TEAD1: variants seen among roughly 807,000 people sequenced by gnomAD.
TEAD1 encodes TEA domain transcription factor 1.
TEAD1 carries 9 observed loss-of-function variants against 54.9 expected under a neutral mutation model. That is an observed-to-expected ratio of 0.16 (90% confidence interval 0.10 to 0.29). The LOEUF is 0.29. Among genes scored for constraint, TEAD1 ranks in the 10% least tolerant of loss-of-function variants. The pLI is 1.00. For synonymous variants in TEAD1, 200 were observed against 187.8 expected, an observed-to-expected ratio of 1.07 and a Z score of -0.53; for missense variants, 387 against 535.9, an observed-to-expected ratio of 0.72 and a Z score of 2.74.
At chr11:12,772,062 C>T (rs543357168) in intron 3 of TEAD1, among the ~76,000 whole-genome samples, 1 of 152,312 alleles carries the variant, frequency 6.6e-6, no homozygotes, top group Admixed American at 6.5e-5. Flanking sequence ...TCCAAGAAGA[C>T]AGGACCACAT....
Position 12,712,703 on chromosome 11 carries a change from A to G in TEAD1, c.-55+37142A>G, listed in dbSNP as rs574014048. ...CCTTGGGAAATATATCAATCACGTG[A>G]GAATAATAGGGAGTAAAATGAGAGA... On this transcript the variant is annotated intron_variant, in intron 2 of 12. Coordinates refer to ENST00000527636, the MANE Select transcript of TEAD1 (RefSeq NM_021961.6). Among the ~76,000 whole-genome samples the G allele has an allele frequency of 1.6e-4, 24 of 152,278 alleles. No individual in the cohort carries two copies. In the South Asian group the frequency reaches 5.0e-3, roughly 32 times the overall value.
intron 10 of TEAD1, among the ~76,000 whole-genome samples, chr11:12,905,884 G>T (rs1413026885): frequency 2.0e-5 from 3 of 152,190 alleles, no homozygotes. Flanking sequence ...CACGTGAGGG[G>T]TTTGCTATGG....
At chr11:12,895,553 AAC>A (rs1215891899) in intron 9 of TEAD1, among the ~76,000 whole-genome samples, 1 of 152,258 alleles carries the variant, frequency 6.6e-6, no homozygotes, top group Non-Finnish European at 1.5e-5. Context: ...ACTTGTGGCT[AAC>A]ACAGAGTAAA....
intron 2 of TEAD1, among the ~76,000 whole-genome samples, chr11:12,693,629 A>C (rs1410601584): frequency 6.6e-6 from 1 of 152,226 alleles, no homozygotes; most frequent in African/African-American, 2.4e-5. Context: ...TGATGCCTGC[A>C]TTCCACTTTT....
intron 2 of TEAD1, among the ~76,000 whole-genome samples, chr11:12,680,678 G>A (rs1235156408): frequency 1.3e-5 from 2 of 152,196 alleles, no homozygotes; most frequent in Non-Finnish European, 2.9e-5. Context: ...GCAGGTAACA[G>A]GGATTTGTGA....
At chr11:12,889,077 A>G (rs1948147266) in intron 9 of TEAD1, among the ~76,000 whole-genome samples, 1 of 152,236 alleles carries the variant, frequency 6.6e-6, no homozygotes, top group Admixed American at 6.5e-5. Flanking sequence ...GCTAAGAGAA[A>G]AACAGCAGAG....
In TEAD1 at chr11:12,754,687, A is replaced by G. The variant is rs867415192; in HGVS notation, c.-54-9492A>G. 3.9e-5 allele frequency among the ~76,000 whole-genome samples: 6 copies of G among 152,190 alleles called. No homozygotes were observed. The South Asian group carries it at 1.2e-3, about 31-fold the overall frequency. On this transcript the variant is annotated intron_variant, in intron 2 of 12. Transcript: ENST00000527636. ...ATCCATTTGGATCCATTAGATCCTGAGAGCACTGAATGTCAGGAGCTGTGG... is the reference window on the plus strand; with the variant it reads ...ATCCATTTGGATCCATTAGATCCTGGGAGCACTGAATGTCAGGAGCTGTGG...
chr11:12,808,857 A>G (rs564251164), intron 3 of TEAD1, among the ~76,000 whole-genome samples: 1 of 152,230 alleles, frequency 6.6e-6, no homozygotes, highest in South Asian at 2.1e-4. Context: ...TAAAATGGGG[A>G]GAAGAATAGC....
chr11:12,720,376 G>T (rs1944167657), intron 2 of TEAD1, among the ~76,000 whole-genome samples: 2 of 152,138 alleles, frequency 1.3e-5, no homozygotes. Flanking sequence ...CTGCATGCTT[G>T]TGATTTGGGG....
chr11:12,727,200 A>C (rs1297850830), intron 2 of TEAD1, among the ~76,000 whole-genome samples: 9 of 152,334 alleles, frequency 5.9e-5, no homozygotes, highest in Admixed American at 2.6e-4. Context: ...AGATGGCACC[A>C]TTGCACTCCA....
At chr11:12,926,896 G>A (rs1448799483) in intron 11 of TEAD1, among the ~76,000 whole-genome samples, 1 of 152,194 alleles carries the variant, frequency 6.6e-6, no homozygotes, top group South Asian at 2.1e-4. Context: ...CTCTAAGAAG[G>A]AGGAAGCAAA....
At chr11:12,868,101 C>T (rs554108896) in intron 5 of TEAD1, among the ~76,000 whole-genome samples, 3 of 152,184 alleles carry the variant, frequency 2.0e-5, no homozygotes, top group African/African-American at 7.2e-5. Context: ...AAGTGGCTTA[C>T]CCGCAATGGA....
intron 3 of TEAD1, among the ~76,000 whole-genome samples, chr11:12,772,296 C>G (rs1430859322): frequency 6.6e-6 from 1 of 152,178 alleles, no homozygotes; most frequent in Admixed American, 6.5e-5. Flanking sequence ...AAGACTTTTT[C>G]TAGGACAGGG....
chr11:12,866,878 A>G (rs1947629011), intron 5 of TEAD1, among the ~76,000 whole-genome samples: 2 of 152,122 alleles, frequency 1.3e-5, no homozygotes, highest in Admixed American at 1.3e-4. Flanking sequence ...GGAGCTGGCC[A>G]TGTAAATGGG....
chr11:12,850,066 T>A (rs1474460198), intron 3 of TEAD1, among the ~76,000 whole-genome samples: 1 of 152,204 alleles, frequency 6.6e-6, no homozygotes, highest in Non-Finnish European at 1.5e-5. Flanking sequence ...AAAACCTTTT[T>A]CAACCCTTTT....
At chr11:12,689,202 C>A (rs1460836575) in intron 2 of TEAD1, among the ~76,000 whole-genome samples, 2 of 152,150 alleles carry the variant, frequency 1.3e-5, no homozygotes, top group African/African-American at 4.8e-5. Context: ...AGAGACTCTA[C>A]CCTGCAGTTC....
intron 3 of TEAD1, among the ~76,000 whole-genome samples, chr11:12,809,737 C>T (rs1946253440): frequency 6.6e-6 from 1 of 152,132 alleles, no homozygotes; most frequent in Non-Finnish European, 1.5e-5. Flanking sequence ...GCTGGCTGGG[C>T]CACTGTTAAG....
At chr11:12,935,758 C>T (rs566790155) in intron 12 of TEAD1, among the ~76,000 whole-genome samples, 12 of 152,214 alleles carry the variant, frequency 7.9e-5, no homozygotes, top group African/African-American at 2.6e-4. Context: ...ACGCCCGGCC[C>T]AGCAAATATT....
chr11:12,916,459 A>G lies in TEAD1; in HGVS notation c.874-8453A>G, dbSNP rs995685191. ...GATTTGAGGCTCTGTCTTCATCTCT[A>G]TTGTGGTCAATATTTCAAATTGACA... On this transcript the variant is annotated intron_variant, in intron 10 of 12. Transcript: ENST00000527636. Among the ~76,000 whole-genome samples, 4 of 152,174 alleles carry G rather than the reference A, an allele frequency of 2.6e-5. No homozygotes were observed. In the East Asian group the frequency reaches 7.7e-4, roughly 29 times the overall value.
Sources: allele counts gnomAD v4.1 joint callset (sites outside exome capture counted in the v4.1 genomes callset), GRCh38; gene constraint gnomAD v4.1.1; transcripts MANE v1.5; gene names NCBI Gene and HGNC (gene_info 2026-07-23, HGNC 2026-07-21).